OR4C3: variants seen among roughly 807,000 people sequenced by gnomAD.
The protein encoded by OR4C3 is olfactory receptor family 4 subfamily C member 3, also known as olfactory receptor 4C3.
For synonymous variants in OR4C3, 186 were observed against 140.1 expected, an observed-to-expected ratio of 1.33 and a Z score of -2.31; for missense variants, 439 against 360.7, an observed-to-expected ratio of 1.22 and a Z score of -1.76.
In OR4C3 at chr11:48,325,670, A is replaced by C. The variant is rs751491732; in HGVS notation, c.649A>C (p.Ile217Leu). The C allele has an allele frequency of 6.2e-7, 1 of 1,613,970 alleles. No individual in the cohort carries two copies. The highest frequency in any genetic ancestry group is 2.2e-5 in the East Asian group (1 of 44,866). ...CTTCCTCATGCTGGCTGCCTCCTAC[A>C]TTGTCATCCTGTACTCCTTGAGGTC... Reference protein sequence around the residue: ...LNFLMLAASYIVILYSLRSHS... With the variant: ...LNFLMLAASYLVILYSLRSHS... Residue 217 changes from isoleucine to leucine, a missense_variant, in exon 1 of 1, where the codon ATT becomes CTT. Coordinates refer to ENST00000319856, the MANE Select transcript of OR4C3 (RefSeq NM_001004702.2).
In OR4C3 at chr11:48,325,211, C is replaced by T. The variant is rs776040384; in HGVS notation, c.190C>T (p.Leu64=). Residue 64 remains leucine (L), a synonymous_variant, in exon 1 of 1, where the codon CTA becomes TTA. Transcript: ENST00000319856. Reference sequence around the variant, plus strand: ...CCCTGTGTATTTTTTCCTGGCCAACCTATCCTTTATTGACACCTTTTATTC... The same window carrying T: ...CCCTGTGTATTTTTTCCTGGCCAACTTATCCTTTATTGACACCTTTTATTC... The part of the protein sequence containing the change: ...ASPVYFFLAN[L]SFIDTFYSSS... The T allele has an allele frequency of 1.2e-6, 2 of 1,614,150 alleles. No individual in the cohort carries two copies. Among genetic ancestry groups the T allele is most frequent in the Non-Finnish European group, 8.5e-7 (1 of 1,180,010 alleles).
chr11:48,325,076 TCA>T lies in OR4C3; in HGVS notation c.56_57del (p.Ser19Ter), dbSNP rs754850437. Reference protein sequence around the residue: ...EFFMLGLSQNSEVQRVLFVVF... With the variant: ...EFFMLGLSQNXEVQRVLFVVF... ...TTTCATGCTGGGGCTCTCACAGAAC[TCA>T]GAGGTACAGAGAGTTCTCTTTGTGG... On this transcript the variant is annotated frameshift_variant, in exon 1 of 1. Coordinates refer to ENST00000319856, the MANE Select transcript of OR4C3 (RefSeq NM_001004702.2). LOFTEE classifies it low-confidence loss of function (END_TRUNC). The T allele has an allele frequency of 3.7e-5, 60 of 1,614,090 alleles. No homozygotes were observed. The highest frequency in any genetic ancestry group is 5.0e-5 in the Non-Finnish European group (59 of 1,180,036).
rs764612389 is a variant in OR4C3 at position 48,325,868 on chromosome 11, C to G, written c.847C>G (p.Leu283Val). 6.4e-7 allele frequency: 1 copy of G among 1,557,346 alleles called. No homozygotes were observed. Among genetic ancestry groups the G allele is most frequent in the East Asian group, 2.2e-5 (1 of 44,536 alleles). Reference protein sequence around the residue: ...YGILTPMLNPLIYTLRNEEVK... With the variant: ...YGILTPMLNPVIYTLRNEEVK... ...TATTCTGACACCTATGTTGAATCCA[C>G]TCATTTATACCCTGAGAAATGAAGA... Residue 283 changes from leucine (L) to valine (V), a missense_variant, in exon 1 of 1, where the codon CTC becomes GTC. Leu to Val is a conservative substitution (Grantham distance 32). Transcript: ENST00000319856.
At position 48,324,995 on chromosome 11, in the gene OR4C3, C is replaced by G. The variant is rs79042268; in HGVS notation, c.-27C>G. On this transcript the variant is annotated 5_prime_UTR_variant, in exon 1 of 1. Transcript: ENST00000319856. ...CCTTGTCTTTATAGGCAATACTGCACCTGCATTCTCAGTGACCTTGGAATC... is the reference window on the plus strand; with the variant it reads ...CCTTGTCTTTATAGGCAATACTGCAGCTGCATTCTCAGTGACCTTGGAATC... 12 of 1,612,752 alleles carry G rather than the reference C, an allele frequency of 7.4e-6. No individual in the cohort carries two copies. The South Asian group carries it at 1.1e-4, about 15-fold the overall frequency.
At position 48,325,328 on chromosome 11, in the gene OR4C3, C is replaced by T. The variant is rs144142268; in HGVS notation, c.307C>T (p.His103Tyr). 13 of 1,614,008 alleles carry T rather than the reference C, an allele frequency of 8.1e-6. No individual in the cohort carries two copies. The highest frequency in any genetic ancestry group is 1.3e-5 in the African/African-American group (1 of 74,904). ...ECCMAQLFGA[H>Y]FLGGVEIILL... is the part of the protein sequence containing the mutation. ...CTGCATGGCTCAGCTCTTTGGAGCT[C>T]ATTTTTTGGGAGGTGTTGAGATCAT... Residue 103 changes from histidine (H) to tyrosine (Y), a missense_variant, in exon 1 of 1, where the codon CAT becomes TAT. By Grantham distance (83) the His-to-Tyr change is moderately conservative. Coordinates refer to ENST00000319856, the MANE Select transcript of OR4C3 (RefSeq NM_001004702.2).
chr11:48,325,429 G>T lies in OR4C3; in HGVS notation c.408G>T (p.Arg136Ser). 1.2e-5 allele frequency: 20 copies of T among 1,613,768 alleles called. No homozygotes were observed. The highest frequency in any genetic ancestry group is 1.7e-5 in the Non-Finnish European group (20 of 1,179,838). The change falls in exon 1 of 1, where the codon AGG becomes AGT. Residue 136 changes from arginine (R) to serine (S), a missense_variant. Arg to Ser is a moderately radical substitution (Grantham distance 110). Coordinates refer to ENST00000319856, the MANE Select transcript of OR4C3 (RefSeq NM_001004702.2). ...KPLHNTTIMT[R>S]HLCAMLVGVA... is the part of the protein sequence containing the mutation. Reference sequence around the variant, plus strand: ...TGCACAATACTACCATCATGACCAGGCATCTCTGTGCCATGCTTGTAGGGG... The same window carrying T: ...TGCACAATACTACCATCATGACCAGTCATCTCTGTGCCATGCTTGTAGGGG...
In OR4C3 at chr11:48,324,934, T is replaced by C. The variant is rs1318311101; in HGVS notation, c.-88T>C. Reference sequence around the variant, plus strand: ...TATTAAAGGAAAACTTGCAATGTTTTTCCCCCATGCAATTAGTTCTATTAC... The same window carrying C: ...TATTAAAGGAAAACTTGCAATGTTTCTCCCCCATGCAATTAGTTCTATTAC... On this transcript the variant is annotated 5_prime_UTR_variant, in exon 1 of 1. Transcript: ENST00000319856. The C allele has an allele frequency of 6.4e-7, 1 of 1,566,880 alleles. No individual in the cohort carries two copies. Among genetic ancestry groups the C allele is most frequent in the Non-Finnish European group, 8.6e-7 (1 of 1,158,138 alleles).
chr11:48,325,245 T>C lies in OR4C3; in HGVS notation c.224T>C (p.Met75Thr). ...SFIDTFYSSS[M>T]APKLIADSLY... ...ATTGACACCTTTTATTCTTCTTCTA[T>C]GGCTCCTAAACTCATTGCTGACTCA... is the stretch of plus-strand genomic sequence containing the variant. The change falls in exon 1 of 1, where the codon ATG (methionine) becomes ACG (threonine). Residue 75 changes from methionine to threonine, a missense_variant. Transcript: ENST00000319856. 2 of 1,614,190 alleles carry C rather than the reference T, an allele frequency of 1.2e-6. No homozygotes were observed. The highest frequency in any genetic ancestry group is 1.7e-6 in the Non-Finnish European group (2 of 1,180,010).
Position 48,325,059 on chromosome 11 carries a change from TG to T in OR4C3, c.42del (p.Leu15SerfsTer17). 2 of 1,614,198 alleles carry T rather than the reference TG, an allele frequency of 1.2e-6. No homozygotes were observed. The highest frequency in any genetic ancestry group is 2.7e-5 in the African/African-American group (2 of 75,056). On this transcript the variant is annotated frameshift_variant, in exon 1 of 1. Coordinates refer to ENST00000319856, the MANE Select transcript of OR4C3 (RefSeq NM_001004702.2). LOFTEE classifies it low-confidence loss of function (END_TRUNC). ...IPQNITEFFMLGLSQNSEVQR... is the reference protein window; with the variant it reads ...IPQNITEFFMXGLSQNSEVQR... ...CAAAATATCACAGAATTTTTCATGC[TG>T]GGGCTCTCACAGAACTCAGAGGTAC...
Position 48,325,723 on chromosome 11 carries a change from C to A in OR4C3, c.702C>A (p.Ala234=). 1 of 1,613,948 alleles carries A rather than the reference C, an allele frequency of 6.2e-7. No homozygotes were observed. Among genetic ancestry groups the A allele is most frequent in the Non-Finnish European group, 8.5e-7 (1 of 1,179,904 alleles). The stretch of plus-strand genomic sequence containing the variant: ...ACAGTGCAGATGGGAGATGCAAAGC[C>A]CTCTCCACCTGTGGAGCCCACTTCA... ...RSHSADGRCK[A]LSTCGAHFIV... Residue 234 remains alanine (A), a synonymous_variant, in exon 1 of 1, where the codon GCC becomes GCA. Coordinates refer to ENST00000319856, the MANE Select transcript of OR4C3 (RefSeq NM_001004702.2).
chr11:48,325,148 A>T lies in OR4C3; in HGVS notation c.127A>T (p.Ile43Phe), dbSNP rs376039315. The change falls in exon 1 of 1, where the codon ATT (isoleucine) becomes TTT (phenylalanine). Residue 43 changes from isoleucine (I) to phenylalanine (F), a missense_variant. Coordinates refer to ENST00000319856, the MANE Select transcript of OR4C3 (RefSeq NM_001004702.2). ...YVVTVCGNMLIVVTITSSPTL... is the reference protein window; with the variant it reads ...YVVTVCGNMLFVVTITSSPTL... ...GGTCACGGTTTGTGGCAACATGCTCATTGTGGTCACTATCACCTCCAGCCC... is the reference window on the plus strand; with the variant it reads ...GGTCACGGTTTGTGGCAACATGCTCTTTGTGGTCACTATCACCTCCAGCCC... 1 of 1,613,948 alleles carries T rather than the reference A, an allele frequency of 6.2e-7. No homozygotes were observed. Among genetic ancestry groups the T allele is most frequent in the East Asian group, 2.2e-5 (1 of 44,894 alleles).
In OR4C3 at chr11:48,325,579, C is replaced by G. The variant is rs1852207088; in HGVS notation, c.558C>G (p.Ala186=). The change falls in exon 1 of 1, where the codon GCC becomes GCG. Residue 186 remains alanine (A), a synonymous_variant. Transcript: ENST00000319856. The part of the protein sequence containing the change: ...ACDLYPLLEV[A]CTNTYVIGLL... ...ACTTGTACCCTTTGCTGGAAGTTGCCTGCACCAATACGTATGTCATTGGTC... is the reference window on the plus strand; with the variant it reads ...ACTTGTACCCTTTGCTGGAAGTTGCGTGCACCAATACGTATGTCATTGGTC... 3 of 1,614,038 alleles carry G rather than the reference C, an allele frequency of 1.9e-6. No homozygotes were observed. The highest frequency in any genetic ancestry group is 2.5e-6 in the Non-Finnish European group (3 of 1,179,972).
chr11:48,324,996 C>T lies in OR4C3; in HGVS notation c.-26C>T, dbSNP rs760988603. On this transcript the variant is annotated 5_prime_UTR_variant, in exon 1 of 1. Coordinates refer to ENST00000319856, the MANE Select transcript of OR4C3 (RefSeq NM_001004702.2). The stretch of plus-strand genomic sequence containing the variant: ...CTTGTCTTTATAGGCAATACTGCAC[C>T]TGCATTCTCAGTGACCTTGGAATCT... The T allele has an allele frequency of 6.2e-7, 1 of 1,612,896 alleles. No individual in the cohort carries two copies. Among genetic ancestry groups the T allele is most frequent in the African/African-American group, 1.3e-5 (1 of 75,000 alleles).
At position 48,325,400 on chromosome 11, in the gene OR4C3, CCCCTGCA is replaced by C. The variant is rs774515820; in HGVS notation, c.381_387del (p.Leu128IlefsTer5). 1.9e-6 allele frequency: 3 copies of C among 1,613,966 alleles called. No homozygotes were observed. Among genetic ancestry groups the C allele is most frequent in the Non-Finnish European group, 2.5e-6 (3 of 1,179,932 alleles). ...TGACCGCTATGTGGCCATCTGTAAG[CCCCTGCA>C]CAATACTACCATCATGACCAGGCAT... is the stretch of plus-strand genomic sequence containing the variant. On this transcript the variant is annotated frameshift_variant, in exon 1 of 1. Transcript: ENST00000319856. LOFTEE classifies it low-confidence loss of function (END_TRUNC).
Position 48,324,970 on chromosome 11 carries a change from C to A in OR4C3, c.-52C>A. On this transcript the variant is annotated 5_prime_UTR_variant, in exon 1 of 1. Transcript: ENST00000319856. ...AATTAGTTCTATTACTTATGTTTCT[C>A]CTTGTCTTTATAGGCAATACTGCAC... 6.2e-7 allele frequency: 1 copy of A among 1,605,118 alleles called. No individual in the cohort carries two copies. Among genetic ancestry groups the A allele is most frequent in the Non-Finnish European group, 8.5e-7 (1 of 1,176,842 alleles).
rs771554040 is a variant in OR4C3, at chr11:48,325,182, CT to C, written c.163del (p.Ser55ProfsTer61). ...ACTATCACCTCCAGCCCCACGCTGG[CT>C]TCCCCTGTGTATTTTTTCCTGGCCA... is the stretch of plus-strand genomic sequence containing the variant. ...VVTITSSPTL[A>X]SPVYFFLANL... On this transcript the variant is annotated frameshift_variant, in exon 1 of 1. Transcript: ENST00000319856. LOFTEE classifies it low-confidence loss of function (END_TRUNC). The C allele has an allele frequency of 1.9e-6, 3 of 1,614,070 alleles. No homozygotes were observed. The African/African-American group carries it at 4.0e-5, about 22-fold the overall frequency.
chr11:48,325,788 A>G lies in OR4C3; in HGVS notation c.767A>G (p.Tyr256Cys). 1 of 1,611,780 alleles carries G rather than the reference A, an allele frequency of 6.2e-7. No homozygotes were observed. The highest frequency in any genetic ancestry group is 8.5e-7 in the Non-Finnish European group (1 of 1,179,164). The change falls in exon 1 of 1, where the codon TAT becomes TGT. Residue 256 changes from tyrosine to cysteine, a missense_variant. Transcript: ENST00000319856. ...TTCTTTGTGCCCTGTATATTTACTT[A>G]TGTGCATCCATTTTCTACTTTACCT... is the stretch of plus-strand genomic sequence containing the variant. ...ALFFVPCIFT[Y>C]VHPFSTLPID...
rs1291765046 is a variant in OR4C3 at position 48,325,006 on chromosome 11, A to T, written c.-16A>T. On this transcript the variant is annotated 5_prime_UTR_variant, in exon 1 of 1. Transcript: ENST00000319856. ...TAGGCAATACTGCACCTGCATTCTC[A>T]GTGACCTTGGAATCTATGGACATAC... 6.2e-7 allele frequency: 1 copy of T among 1,613,192 alleles called. No homozygotes were observed. Among genetic ancestry groups the T allele is most frequent in the East Asian group, 2.2e-5 (1 of 44,886 alleles).
chr11:48,325,807 T>C lies in OR4C3; in HGVS notation c.786T>C (p.Thr262=), dbSNP rs756584010. 6.8e-6 allele frequency: 11 copies of C among 1,610,630 alleles called. No homozygotes were observed. Among genetic ancestry groups the C allele is most frequent in the Admixed American group, 1.7e-5 (1 of 59,526 alleles). The stretch of plus-strand genomic sequence containing the variant: ...TTACTTATGTGCATCCATTTTCTAC[T>C]TTACCTATAGACAAAAATATGGCAT... ...CIFTYVHPFS[T]LPIDKNMALF... is the part of the protein sequence containing the mutation. The change falls in exon 1 of 1, where the codon ACT becomes ACC. Residue 262 remains threonine, a synonymous_variant. Coordinates refer to ENST00000319856, the MANE Select transcript of OR4C3 (RefSeq NM_001004702.2).
Sources: allele counts gnomAD v4.1 joint callset, GRCh38; gene constraint gnomAD v4.1.1; transcripts MANE v1.5; gene names NCBI Gene and HGNC (gene_info 2026-07-23, HGNC 2026-07-21).